The following SORCS2 variants were observed in gnomAD, a reference collection of about 807,000 sequenced individuals.
SORCS2 encodes VPS10 domain-containing receptor SorCS2.
Under a neutral mutation model 141.6 loss-of-function variants are expected in SORCS2, and 100 were observed. That is an observed-to-expected ratio of 0.71 (90% CI 0.60 to 0.83). The LOEUF (loss-of-function observed/expected upper bound fraction) is 0.83, where lower values mean the gene tolerates loss of function less well. SORCS2 is among the 40% of genes least tolerant of loss of function. The probability of loss-of-function intolerance (pLI) is 0.00; values close to 1 mark genes in which losing one functional copy is unlikely to be tolerated. For synonymous variants in SORCS2, 789 were observed against 676.9 expected (o/e 1.17, Z -2.57); for missense variants, 1,646 against 1,560.2 (o/e 1.05, Z -0.93).
At chr4:7,319,594 G>A (rs9784559) in intron 1 of SORCS2, among the ~76,000 whole-genome samples, 91,178 of 151,736 alleles carry the variant, frequency 0.6, 27,450 homozygotes, top group South Asian at 0.72. Context: ...CATGCTTGTG[G>A]TCCTAGCTAC....
intron 1 of SORCS2, among the ~76,000 whole-genome samples, chr4:7,336,046 C>T (rs1303903544): frequency 1.3e-5 from 2 of 152,210 alleles, no homozygotes; most frequent in Non-Finnish European, 2.9e-5. Context: ...TCACCATAAG[C>T]GCTGTGTGCA....
intron 2 of SORCS2, among the ~76,000 whole-genome samples, chr4:7,407,841 A>G (rs533587544): frequency 2.4e-4 from 37 of 152,078 alleles, no homozygotes; most frequent in South Asian, 1.0e-3. Context: ...TATTAAATCT[A>G]TTATAGGTTT....
intron 1 of SORCS2, among the ~76,000 whole-genome samples, chr4:7,308,920 C>G (rs756233585): frequency 5.3e-5 from 8 of 152,210 alleles, no homozygotes; most frequent in Non-Finnish European, 1.2e-4. Flanking sequence ...GTGGCACCCT[C>G]CATGCCAAGA....
chr4:7,722,773 C>G (rs1000063408), intron 18 of SORCS2, among the ~76,000 whole-genome samples: 1 of 152,212 alleles, frequency 6.6e-6, no homozygotes, highest in Non-Finnish European at 1.5e-5. Context: ...GCTCAATTTA[C>G]CACATCTGTG....
chr4:7,724,565 T>G (rs925920435), intron 19 of SORCS2, among the ~76,000 whole-genome samples: 1 of 101,648 alleles, frequency 9.8e-6, no homozygotes, highest in African/African-American at 3.8e-5. Context: ...GAATGGATGG[T>G]GGTGGTGATG....
intron 2 of SORCS2, chr4:7,434,001 G>C (rs1483235246): frequency 6.2e-7 from 1 of 1,613,140 alleles, no homozygotes; most frequent in Non-Finnish European, 8.5e-7. Context: ...ACACCTCACA[G>C]GTCACACCGG....
chr4:7,433,301 C>G, intron 2 of SORCS2: 9 of 1,373,518 alleles, frequency 6.6e-6, no homozygotes, highest in Non-Finnish European at 8.5e-6. Flanking sequence ...CTCTGGGTCT[C>G]TGGCAGCCAC....
Position 7,201,267 on chromosome 4 carries a change from G to C in SORCS2, c.480+8141G>C, listed in dbSNP as rs2108860966. Among the ~76,000 whole-genome samples the C allele has an allele frequency of 6.6e-6, 1 of 152,378 alleles. No individual in the cohort carries two copies. Among genetic ancestry groups the C allele is most frequent in the Middle Eastern group, 3.4e-3 (1 of 294 alleles). On this transcript the variant is annotated intron_variant, in intron 1 of 26. Transcript: ENST00000507866. The surrounding 1 kb of genome is among the most constrained non-coding windows in gnomAD (Gnocchi z 4.4). ...GCCTGGAGCGCTCATGGGCACAGGA[G>C]AGACTCGTGCGTTGATCAAGAAGCC...
intron 1 of SORCS2, among the ~76,000 whole-genome samples, chr4:7,335,984 C>T (rs534222884): frequency 2.2e-4 from 33 of 152,334 alleles, no homozygotes; most frequent in Non-Finnish European, 3.4e-4. Context: ...GCTTGGCATG[C>T]GCCTGAGTCT....
intron 3 of SORCS2, among the ~76,000 whole-genome samples, chr4:7,571,520 T>G (rs981889296): frequency 2.0e-5 from 3 of 151,870 alleles, no homozygotes; most frequent in African/African-American, 4.8e-5. Flanking sequence ...ACCCGCAAAA[T>G]TCTACCTGGG....
chr4:7,224,373 T>G (rs1728877418), intron 1 of SORCS2, among the ~76,000 whole-genome samples: 1 of 152,146 alleles, frequency 6.6e-6, no homozygotes, highest in Admixed American at 6.5e-5. Context: ...GCGATGAGTG[T>G]TAAGGGTGAG....
chr4:7,225,752 C>T (rs1728955080), intron 1 of SORCS2, among the ~76,000 whole-genome samples: 1 of 152,188 alleles, frequency 6.6e-6, no homozygotes, highest in South Asian at 2.1e-4. Flanking sequence ...TCCTCTTGTG[C>T]TCTCGGGGCC....
intron 1 of SORCS2, among the ~76,000 whole-genome samples, chr4:7,199,002 T>G (rs1218174421): frequency 3.3e-5 from 5 of 152,154 alleles, no homozygotes; most frequent in African/African-American, 1.2e-4. Flanking sequence ...GCCTCATATT[T>G]GCCTCCAAAG....
At chr4:7,519,850 C>G (rs62280192) in intron 2 of SORCS2, among the ~76,000 whole-genome samples, 6,344 of 152,344 alleles carry the variant, frequency 0.042, 140 homozygotes, top group Non-Finnish European at 0.053. Context: ...GCAGCAGCTG[C>G]ATTTCAGTGG....
intron 2 of SORCS2, among the ~76,000 whole-genome samples, chr4:7,416,506 G>A (rs575555078): frequency 1.1e-4 from 17 of 151,692 alleles, no homozygotes; most frequent in African/African-American, 1.9e-4. Flanking sequence ...AGACACGCAC[G>A]CTTCCTCCTC....
chr4:7,319,952 G>C (rs1577394440), intron 1 of SORCS2, among the ~76,000 whole-genome samples: 1 of 152,232 alleles, frequency 6.6e-6, no homozygotes, highest in East Asian at 1.9e-4. Flanking sequence ...TGTTCTTACA[G>C]ATGGTTGAGT....
chr4:7,712,696 G>A (rs371806172), intron 14 of SORCS2, 37 bp from the exon 15 acceptor site: 16 of 1,613,310 alleles, frequency 9.9e-6, no homozygotes, highest in African/African-American at 4.0e-5. Flanking sequence ...CCTAATGAAG[G>A]TGGTTTTCTC....
At chr4:7,263,510 T>G (rs1490651355) in intron 1 of SORCS2, among the ~76,000 whole-genome samples, 2 of 152,254 alleles carry the variant, frequency 1.3e-5, no homozygotes, top group African/African-American at 4.8e-5. Context: ...GTGTCCGACC[T>G]GATTGCGAAC....
chr4:7,403,995 ATATTT>A (rs1413456282), intron 2 of SORCS2, among the ~76,000 whole-genome samples: 555 of 9,278 alleles, frequency 0.06, 2 homozygotes, highest in Middle Eastern at 0.12. Context: ...ATATATATAT[ATATTT>A]TTTTTTTTTT....
Sources: allele counts gnomAD v4.1 joint callset (sites outside exome capture counted in the v4.1 genomes callset), GRCh38; gene constraint gnomAD v4.1.1; non-coding constraint Gnocchi (gnomAD v3.1); transcripts MANE v1.5; gene names NCBI Gene and HGNC (gene_info 2026-07-23, HGNC 2026-07-21).